Variants in ANKIB1 observed in about 807,000 individuals in gnomAD.
ANKIB1 encodes the protein ankyrin repeat and IBR domain containing 1.
Under a neutral mutation model 122.1 loss-of-function variants are expected in ANKIB1, and 43 were observed. That is an observed-to-expected ratio of 0.35 (90% CI 0.28 to 0.45). The LOEUF (loss-of-function observed/expected upper bound fraction) is 0.45, where lower values mean the gene tolerates loss of function less well. ANKIB1 is among the 20% of genes least tolerant of loss of function. ANKIB1 has a pLI of 1.00. For missense variants in ANKIB1, 992 were observed against 1,329.5 expected (o/e 0.75, Z 3.95); for synonymous variants, 390 against 442.0 (o/e 0.88, Z 1.48).
chr7:92,254,942 C>G (rs190346229), intron 1 of ANKIB1, among the ~76,000 whole-genome samples: 2 of 152,114 alleles, frequency 1.3e-5, no homozygotes, highest in African/African-American at 4.8e-5. Context: ...AGGTCTTTCC[C>G]GTGCTGTTCT....
chr7:92,269,913 G>C (rs776064517), intron 1 of ANKIB1, among the ~76,000 whole-genome samples: 20 of 151,666 alleles, frequency 1.3e-4, no homozygotes, highest in African/African-American at 4.9e-4. Flanking sequence ...CATCATTTAC[G>C]TTAGGTATTT....
Position 92,384,073 on chromosome 7 carries a change from C to A in ANKIB1, c.1618-2436C>A, listed in dbSNP as rs1043921849. On this transcript the variant is annotated intron_variant, in intron 11 of 19. Coordinates refer to ENST00000265742, the MANE Select transcript of ANKIB1 (RefSeq NM_019004.2). Reference sequence around the variant, plus strand: ...ATACAAAATCAATGTGCAAAACTCACAAGCATTCTTAAACACCAATAACAG... The same window carrying A: ...ATACAAAATCAATGTGCAAAACTCAAAAGCATTCTTAAACACCAATAACAG... Among the ~76,000 whole-genome samples, 42 of 152,210 alleles carry A rather than the reference C, an allele frequency of 2.8e-4. 2 individuals are homozygous for A. Among genetic ancestry groups the A allele is most frequent in the Non-Finnish European group, 5.9e-5 (4 of 68,040 alleles).
chr7:92,360,417 G>A (rs2115596552), intron 9 of ANKIB1, among the ~76,000 whole-genome samples: 1 of 152,096 alleles, frequency 6.6e-6, no homozygotes, highest in South Asian at 2.1e-4. Context: ...CCTTCTTATG[G>A]CTGAATATTC....
rs766176211 is a variant in ANKIB1 at position 92,328,970 on chromosome 7, C to CT, written c.787+1085dup. Among the ~76,000 whole-genome samples the CT allele has an allele frequency of 3.5e-3, 479 of 138,138 alleles. 3 individuals are homozygous for CT. The highest frequency in any genetic ancestry group is 5.2e-3 in the East Asian group (25 of 4,844). The allele number at this position is 138,138 out of a possible 152,430, so 90.6% of individuals were successfully genotyped here. On this transcript the variant is annotated intron_variant, in intron 5 of 19. Transcript: ENST00000265742. The stretch of plus-strand genomic sequence containing the variant: ...ATATATATACACACACACAAACACA[C>CT]TTTTTTTTTTTTTTTGGGACAGAGT...
Position 92,319,312 on chromosome 7 carries a change from G to GA in ANKIB1, c.487-10dup, listed in dbSNP as rs764724085. ...TTTGAACCTGTAGTTGCAAGTTTTT[G>GA]AAAAAAAACTTTTTTAGCTTTTAGT... On this transcript the variant is annotated splice_polypyrimidine_tract_variant and intron_variant, in intron 3 of 19. Transcript: ENST00000265742. 7.3e-5 allele frequency: 112 copies of GA among 1,535,842 alleles called. No homozygotes were observed. The highest frequency in any genetic ancestry group is 8.5e-5 in the Non-Finnish European group (97 of 1,142,606).
At chr7:92,273,149 A>G (rs993899375) in intron 1 of ANKIB1, among the ~76,000 whole-genome samples, 8 of 152,234 alleles carry the variant, frequency 5.3e-5, no homozygotes, top group Non-Finnish European at 1.0e-4. Flanking sequence ...AAAGTCAAGA[A>G]AGACAATTTA....
At position 92,379,119 on chromosome 7, in the gene ANKIB1, G is replaced by A. The variant is rs188998187; in HGVS notation, c.1618-7390G>A. Reference sequence around the variant, plus strand: ...AAGTAAACTAATTTAGGCTGGGCGCGGTGGCTCACGCCAGTAATTCCAGCA... The same window carrying A: ...AAGTAAACTAATTTAGGCTGGGCGCAGTGGCTCACGCCAGTAATTCCAGCA... On this transcript the variant is annotated intron_variant, in intron 11 of 19. Coordinates refer to ENST00000265742, the MANE Select transcript of ANKIB1 (RefSeq NM_019004.2). Among the ~76,000 whole-genome samples the A allele has an allele frequency of 2.2e-3, 341 of 152,316 alleles. 1 individual carries two copies. Among genetic ancestry groups the A allele is most frequent in the African/African-American group, 7.0e-3 (290 of 41,566 alleles).
chr7:92,372,024 A>G (rs915461609), intron 11 of ANKIB1, among the ~76,000 whole-genome samples: 3 of 143,146 alleles, frequency 2.1e-5, no homozygotes, highest in African/African-American at 7.8e-5. Flanking sequence ...TCAAATGATT[A>G]ACAAAGTGCT....
At chr7:92,317,519 T>G (rs539656465) in intron 3 of ANKIB1, among the ~76,000 whole-genome samples, 1 of 152,314 alleles carries the variant, frequency 6.6e-6, no homozygotes, top group African/African-American at 2.4e-5. Context: ...AAGGACCAGA[T>G]AGTAAATATT....
intron 17 of ANKIB1, among the ~76,000 whole-genome samples, chr7:92,394,684 T>C (rs748293749): frequency 1.2e-4 from 19 of 152,156 alleles, no homozygotes; most frequent in Admixed American, 2.0e-4. Flanking sequence ...TCCTCACTGG[T>C]CTGTTGAGCC....
intron 7 of ANKIB1, 102 bp from the exon 8 acceptor site, chr7:92,350,848 C>G: frequency 8.5e-7 from 1 of 1,171,734 alleles, no homozygotes; most frequent in Non-Finnish European, 1.2e-6. Flanking sequence ...TGGAATGAGA[C>G]CCTGTCTCTA....
At chr7:92,315,655 A>C (rs1015077148) in intron 3 of ANKIB1, among the ~76,000 whole-genome samples, 14 of 152,172 alleles carry the variant, frequency 9.2e-5, no homozygotes, top group Non-Finnish European at 1.8e-4. Flanking sequence ...CTGTTTAATC[A>C]TGTAATGTGC....
intron 1 of ANKIB1, among the ~76,000 whole-genome samples, chr7:92,280,450 ACC>A (rs34399457): frequency 4.8e-4 from 54 of 112,816 alleles, no homozygotes; most frequent in Admixed American, 1.1e-3. Flanking sequence ...TTTGGAGGGC[ACC>A]CCCCCCCCCT....
At chr7:92,305,345 C>T (rs1802539498) in intron 2 of ANKIB1, among the ~76,000 whole-genome samples, 1 of 152,138 alleles carries the variant, frequency 6.6e-6, no homozygotes, top group African/African-American at 2.4e-5. Context: ...AAGAGATTCC[C>T]CAGTCCCATG....
chr7:92,262,130 A>T (rs1042221697), intron 1 of ANKIB1, among the ~76,000 whole-genome samples: 2 of 152,322 alleles, frequency 1.3e-5, no homozygotes, highest in African/African-American at 4.8e-5. Flanking sequence ...CTCAGACTAG[A>T]TCTATGGCCT....
At position 92,294,859 on chromosome 7, in the gene ANKIB1, A is replaced by G. The variant is rs571535463; in HGVS notation, c.-90-30A>G. 6 of 687,412 alleles carry G rather than the reference A, an allele frequency of 8.7e-6. No individual in the cohort carries two copies. The South Asian group carries it at 9.5e-5, about 11-fold the overall frequency. 42.6% of individuals were successfully genotyped at this position (687,412 alleles called of 1,614,324 possible). On this transcript the variant is annotated intron_variant, in intron 1 of 19. Transcript: ENST00000265742. ...TTTCTTTTGTGATTATTGTTTTACAATCTAATTTGAATAACTTTTCCTTCA... is the reference window on the plus strand; with the variant it reads ...TTTCTTTTGTGATTATTGTTTTACAGTCTAATTTGAATAACTTTTCCTTCA...
At chr7:92,337,730 T>C (rs1803318072) in intron 5 of ANKIB1, among the ~76,000 whole-genome samples, 1 of 152,196 alleles carries the variant, frequency 6.6e-6, no homozygotes, top group Admixed American at 6.5e-5. Flanking sequence ...GCACCTGGCT[T>C]GAATTACATG....
intron 1 of ANKIB1, among the ~76,000 whole-genome samples, chr7:92,265,388 C>A (rs568715864): frequency 6.6e-6 from 1 of 151,650 alleles, no homozygotes; most frequent in East Asian, 1.9e-4. Context: ...ATGCAGAAGC[C>A]CTAAGGGTTA....
At chr7:92,378,911 T>G (rs1804447405) in intron 11 of ANKIB1, among the ~76,000 whole-genome samples, 1 of 152,182 alleles carries the variant, frequency 6.6e-6, no homozygotes, top group South Asian at 2.1e-4. Context: ...CCTTCATGTG[T>G]ATCAACAACA....
Sources: allele counts gnomAD v4.1 joint callset (sites outside exome capture counted in the v4.1 genomes callset), GRCh38; gene constraint gnomAD v4.1.1; transcripts MANE v1.5; gene names NCBI Gene and HGNC (gene_info 2026-07-23, HGNC 2026-07-21).